EIF4E: variants seen among roughly 807,000 people sequenced by gnomAD.
EIF4E encodes the protein eIF-4F 25 kDa subunit.
For synonymous variants in EIF4E, 71 were observed against 88.5 expected (o/e 0.80, Z 1.11); for missense variants, 113 against 265.6 (o/e 0.43, Z 3.99).
At chr4:98,894,254 A>C (rs1362794175) in intron 2 of EIF4E, among the ~76,000 whole-genome samples, 1 of 152,246 alleles carries the variant, frequency 6.6e-6, no homozygotes, top group African/African-American at 2.4e-5. Flanking sequence ...GCTTCAACTT[A>C]AAGTCATTGG....
intron 2 of EIF4E, among the ~76,000 whole-genome samples, chr4:98,896,039 T>C (rs1212833710): frequency 1.3e-5 from 2 of 151,520 alleles, no homozygotes; most frequent in Non-Finnish European, 2.9e-5. Flanking sequence ...CTACTAAAAA[T>C]ACAAAAATTG....
In EIF4E at chr4:98,880,339, T is replaced by A. The variant is rs1189458171; in HGVS notation, c.*689A>T. 1 of 118,700 alleles carries A rather than the reference T, an allele frequency of 8.4e-6. No homozygotes were observed. Among genetic ancestry groups the A allele is most frequent in the Non-Finnish European group, 1.7e-5 (1 of 58,256 alleles). 7.4% of individuals were successfully genotyped at this position (118,700 alleles called of 1,614,324 possible). A position where few individuals can be genotyped will look rare whatever the true frequency, so the allele number is the denominator to read the frequency against. The stretch of plus-strand genomic sequence containing the variant: ...GAAATGCATAAATTTGTAGCAAAGC[T>A]TTGTAGTTACAAAAAACAAAAAAAA... On this transcript the variant is annotated 3_prime_UTR_variant, in exon 7 of 7. Transcript: ENST00000450253.
chr4:98,884,334 C>T (rs186756654), intron 6 of EIF4E, among the ~76,000 whole-genome samples: 10 of 152,184 alleles, frequency 6.6e-5, no homozygotes, highest in Admixed American at 6.5e-4. Context: ...ATAAAAAATG[C>T]TACATGCCAA....
At position 98,901,998 on chromosome 4, in the gene EIF4E, A is replaced by G. The variant is rs770957461; in HGVS notation, c.19-16T>C. ...GGGTGGTTTCCTAGTGGAAAATAAT[A>G]TAAAACATTATTTTAAATGTCTTAA... is the stretch of plus-strand genomic sequence containing the variant. On this transcript the variant is annotated splice_polypyrimidine_tract_variant and intron_variant, in intron 1 of 6. Coordinates refer to ENST00000450253, the MANE Select transcript of EIF4E (RefSeq NM_001968.5). 12 of 1,579,872 alleles carry G rather than the reference A, an allele frequency of 7.6e-6. No homozygotes were observed. The highest frequency in any genetic ancestry group is 1.0e-5 in the Non-Finnish European group (12 of 1,149,174).
At chr4:98,906,320 A>G (rs1388539779) in intron 1 of EIF4E, among the ~76,000 whole-genome samples, 1 of 152,234 alleles carries the variant, frequency 6.6e-6, no homozygotes, top group African/African-American at 2.4e-5. Context: ...AACTCAAAGT[A>G]TAGTCCACAG....
chr4:98,891,371 A>G (rs888975875), intron 2 of EIF4E, 39 bp from the exon 3 acceptor site: 2 of 1,565,428 alleles, frequency 1.3e-6, no homozygotes, highest in Non-Finnish European at 8.7e-7. Flanking sequence ...TGGTAGCTGC[A>G]TACCCATGTT....
chr4:98,892,144 C>T (rs916077075), intron 2 of EIF4E, among the ~76,000 whole-genome samples: 32 of 151,154 alleles, frequency 2.1e-4, no homozygotes, highest in Admixed American at 7.9e-4. Context: ...GTTGGGAATT[C>T]GAGACCAGCC....
chr4:98,917,207 T>C lies in EIF4E; in HGVS notation c.18+11888A>G, dbSNP rs946744260. On this transcript the variant is annotated intron_variant, in intron 1 of 6. Coordinates refer to ENST00000450253, the MANE Select transcript of EIF4E (RefSeq NM_001968.5). The stretch of plus-strand genomic sequence containing the variant: ...TTAATTCTGCTTGACCATGTGTTCA[T>C]GAAGTTCCTCTTCTCTCCTTTATGC... Among the ~76,000 whole-genome samples the C allele has an allele frequency of 6.1e-4, 92 of 151,466 alleles. 1 individual carries two copies. The highest frequency in any genetic ancestry group is 2.1e-3 in the African/African-American group (85 of 41,208).
At chr4:98,882,219 C>G (rs111424894) in intron 6 of EIF4E, among the ~76,000 whole-genome samples, 1 of 151,714 alleles carries the variant, frequency 6.6e-6, no homozygotes, top group South Asian at 2.1e-4. Context: ...GGTGAAACCC[C>G]GCCTCTACTA....
chr4:98,906,158 T>C (rs1258079824), intron 1 of EIF4E, among the ~76,000 whole-genome samples: 1 of 152,248 alleles, frequency 6.6e-6, no homozygotes, highest in African/African-American at 2.4e-5. Flanking sequence ...ACCCCATTTG[T>C]GTCCTCCATT....
chr4:98,927,745 A>C (rs1288322936), intron 1 of EIF4E, among the ~76,000 whole-genome samples: 1 of 151,952 alleles, frequency 6.6e-6, no homozygotes, highest in African/African-American at 2.4e-5. Flanking sequence ...CTACCATGAA[A>C]AGATACACAA....
intron 2 of EIF4E, among the ~76,000 whole-genome samples, chr4:98,894,701 G>C (rs1560638745): frequency 6.6e-6 from 1 of 152,174 alleles, no homozygotes; most frequent in South Asian, 2.1e-4. Flanking sequence ...TCAGCAATAA[G>C]GCTGTTTTGT....
intron 6 of EIF4E, among the ~76,000 whole-genome samples, chr4:98,882,781 T>C (rs932772040): frequency 1.3e-4 from 20 of 151,552 alleles, no homozygotes; most frequent in Admixed American, 7.9e-4. Context: ...CATTTAATAT[T>C]GACAAAAATA....
At chr4:98,893,465 A>G (rs542303755) in intron 2 of EIF4E, among the ~76,000 whole-genome samples, 2 of 152,366 alleles carry the variant, frequency 1.3e-5, no homozygotes, top group East Asian at 1.9e-4. Flanking sequence ...TGCTTTATCA[A>G]TTTGGTTTAT....
intron 2 of EIF4E, among the ~76,000 whole-genome samples, chr4:98,896,610 G>A (rs1296769223): frequency 7.3e-6 from 1 of 136,394 alleles, no homozygotes; most frequent in African/African-American, 2.7e-5. Context: ...GCTGCAGTGA[G>A]CTATTATCAT....
chr4:98,914,762 T>G (rs1320839705), intron 1 of EIF4E, among the ~76,000 whole-genome samples: 2 of 152,150 alleles, frequency 1.3e-5, no homozygotes, highest in Non-Finnish European at 2.9e-5. Context: ...TGAACCCTAA[T>G]GTAAAGTATG....
intron 1 of EIF4E, among the ~76,000 whole-genome samples, chr4:98,912,316 C>T (rs1725187403): frequency 6.6e-6 from 1 of 151,118 alleles, no homozygotes; most frequent in African/African-American, 2.4e-5. Context: ...GTGGCTCATG[C>T]CTGTAATCCC....
At chr4:98,922,147 A>G (rs1330833673) in intron 1 of EIF4E, among the ~76,000 whole-genome samples, 1 of 152,206 alleles carries the variant, frequency 6.6e-6, no homozygotes, top group East Asian at 1.9e-4. Context: ...TGCAACGGTT[A>G]AGAATATACA....
intron 3 of EIF4E, 104 bp from the exon 4 acceptor site, chr4:98,888,056 A>G (rs1029469431): frequency 2.6e-5 from 26 of 989,452 alleles, no homozygotes; most frequent in Non-Finnish European, 3.6e-5. Context: ...TAAACAGATA[A>G]AAGTTCATGT....
Sources: gnomAD v4.1 joint callset for allele counts (sites outside exome capture counted in the v4.1 genomes callset) on GRCh38, gnomAD v4.1.1 for gene constraint, MANE v1.5 for transcripts, NCBI Gene and HGNC (gene_info 2026-07-23, HGNC 2026-07-21) for gene names.